IGF2: variants seen among roughly 807,000 people sequenced by gnomAD.
IGF2 encodes the protein insulin like growth factor 2, also known as insulin-like growth factor 2.
Under a neutral mutation model 12.0 loss-of-function variants are expected in IGF2, and 2 were observed. That is an observed-to-expected ratio of 0.17 (90% CI 0.07 to 0.52). The LOEUF (loss-of-function observed/expected upper bound fraction) is 0.52. IGF2 is among the 20% of genes least tolerant of loss of function. IGF2 has a pLI of 0.95. For missense variants in IGF2, 211 were observed against 268.0 expected, an observed-to-expected ratio of 0.79 and a Z score of 1.48; for synonymous variants, 105 against 110.1, an observed-to-expected ratio of 0.95 and a Z score of 0.29.
Position 2,138,591 on chromosome 11 carries a change from G to C in IGF2, c.-369C>G. The C allele has an allele frequency of 1.1e-6, 1 of 938,312 alleles. No homozygotes were observed. The highest frequency in any genetic ancestry group is 1.8e-5 in the African/African-American group (1 of 55,782). The allele number at this position is 938,312 out of a possible 1,614,324, so 58.1% of individuals were successfully genotyped here. A position where few individuals can be genotyped will look rare whatever the true frequency, so the allele number is the denominator to read the frequency against. ...GGGGCCGAAGAGAGGGCGAGGGGGA[G>C]AGAGGACAGCGAGAGGCGGGCAGGC... On this transcript the variant is annotated 5_prime_UTR_variant, in exon 1 of 4. Transcript: ENST00000416167.
chr11:2,147,969 C>T, the IGF2 span: 1 of 420,226 alleles, frequency 2.4e-6, no homozygotes, highest in East Asian at 3.6e-5. This position sits in a 1 kb window ranked among gnomAD's most constrained non-coding sequence, Gnocchi z 7.2. Context: ...AGCCCCTCCC[C>T]TGCCTAGAGC....
chr11:2,141,848 A>T (rs972780244), upstream of IGF2, among the ~76,000 whole-genome samples: 3 of 152,250 alleles, frequency 2.0e-5, no homozygotes, highest in African/African-American at 4.8e-5. Context: ...ATAAAAAAAT[A>T]AAAAATCAGT....
In IGF2 at chr11:2,136,500, C is replaced by T. The variant is rs899086804; in HGVS notation, c.-6-971G>A. 1.1e-4 allele frequency among the ~76,000 whole-genome samples: 16 copies of T among 152,366 alleles called. 1 individual carries two copies. The South Asian group carries it at 2.7e-3, about 26-fold the overall frequency. On this transcript the variant is annotated intron_variant, in intron 1 of 3. Transcript: ENST00000416167. ...TGCAGGGCCACAGGGCCGGGTTAAC[C>T]CACTCGGGGGTGGGAGGCCGGGAGC...
rs1402267034 is a variant in IGF2, at chr11:2,132,024, GC to G, written c.*962del. Reference sequence around the variant, plus strand: ...GTGTGTGCTGTGTGCTCATCTGTGTGCTGTGTGTGCTGTGCGTTTGTGTGTG... The same window carrying G: ...GTGTGTGCTGTGTGCTCATCTGTGTGTGTGTGTGCTGTGCGTTTGTGTGTG... On this transcript the variant is annotated 3_prime_UTR_variant, in exon 4 of 4. Coordinates refer to ENST00000416167, the MANE Select transcript of IGF2 (RefSeq NM_000612.6). The G allele has an allele frequency of 2.1e-4, 9 of 43,478 alleles. No homozygotes were observed. Among genetic ancestry groups the G allele is most frequent in the East Asian group, 9.7e-4 (5 of 5,148 alleles). The allele number at this position is 43,478 out of a possible 1,614,324, so 2.7% of individuals were successfully genotyped here.
upstream of IGF2, chr11:2,140,330 T>C: frequency 6.3e-7 from 1 of 1,593,748 alleles, no homozygotes; most frequent in African/African-American, 1.4e-5. Flanking sequence ...AAGAAAGCAC[T>C]GTGATTTTTA....
chr11:2,137,008 G>A (rs1859109932), intron 1 of IGF2, among the ~76,000 whole-genome samples: 1 of 152,194 alleles, frequency 6.6e-6, no homozygotes, highest in African/African-American at 2.4e-5. Context: ...GAGCAGGTGA[G>A]GGAGCAGAGA....
the IGF2 span, chr11:2,149,240 G>A: frequency 6.2e-7 from 1 of 1,613,514 alleles, no homozygotes; most frequent in Non-Finnish European, 8.5e-7. Context: ...TGATCCGCCG[G>A]CCTGGCCAAT....
Position 2,133,625 on chromosome 11 carries a change from G to A in IGF2, c.198C>T (p.Ile66=), listed in dbSNP as rs377034431. The change falls in exon 3 of 4, where the codon ATC becomes ATT. Residue 66 remains isoleucine (I), a synonymous_variant. Transcript: ENST00000416167. This position sits in a 1 kb window ranked among gnomAD's most constrained non-coding sequence, Gnocchi z 8.9. ...ASRVSRRSRG[I]VEECCFRSCD... ...AGCTGCGGAAACAGCACTCCTCAAC[G>A]ATGCCACGGCTGCGACGGCTCACAC... is the stretch of plus-strand genomic sequence containing the variant. 1.2e-5 allele frequency: 20 copies of A among 1,612,952 alleles called. No individual in the cohort carries two copies. In the African/African-American group the frequency reaches 2.4e-4, roughly 19 times the overall value.
At position 2,129,493 on chromosome 11, in the gene IGF2, C is replaced by T. The variant is rs1564888808; in HGVS notation, c.*3494G>A. ...GGTCGGCAAGTGCCCCCGGGAACACCCACTCCGGCGAGGCAGAATATAACA... is the reference window on the plus strand; with the variant it reads ...GGTCGGCAAGTGCCCCCGGGAACACTCACTCCGGCGAGGCAGAATATAACA... On this transcript the variant is annotated 3_prime_UTR_variant, in exon 4 of 4. Transcript: ENST00000416167. This position sits in a 1 kb window ranked among gnomAD's most constrained non-coding sequence, Gnocchi z 8.1. 1 of 228,536 alleles carries T rather than the reference C, an allele frequency of 4.4e-6. No homozygotes were observed. The highest frequency in any genetic ancestry group is 8.7e-6 in the Non-Finnish European group (1 of 115,064). 14.2% of individuals were successfully genotyped at this position (228,536 alleles called of 1,614,324 possible).
rs1858429702 is a variant in IGF2 at position 2,130,107 on chromosome 11, G to T, written c.*2880C>A. ...CGAGGGAGAGGGGAGGGTTCCTCAAGTGTGCGGAAGGCGGCCACCCTGCCC... is the reference window on the plus strand; with the variant it reads ...CGAGGGAGAGGGGAGGGTTCCTCAATTGTGCGGAAGGCGGCCACCCTGCCC... On this transcript the variant is annotated 3_prime_UTR_variant, in exon 4 of 4. Transcript: ENST00000416167. 4.3e-6 allele frequency: 1 copy of T among 230,294 alleles called. No individual in the cohort carries two copies. The highest frequency in any genetic ancestry group is 1.8e-4 in the South Asian group (1 of 5,506). 14.3% of individuals were successfully genotyped at this position (230,294 alleles called of 1,614,324 possible).
Position 2,133,033 on chromosome 11 carries a change from G to A in IGF2, c.497C>T (p.Pro166Leu). 3.2e-6 allele frequency: 5 copies of A among 1,569,724 alleles called. No homozygotes were observed. Among genetic ancestry groups the A allele is most frequent in the South Asian group, 1.2e-5 (1 of 86,536 alleles). Residue 166 changes from proline to leucine, a missense_variant, in exon 4 of 4, where the codon CCC (proline) becomes CTC (leucine). By Grantham distance (98) the Pro-to-Leu change is moderately conservative. This residue lies in a region of IGF2 where 141 missense variants were observed against 153.1 expected (regional missense o/e 0.92). Coordinates refer to ENST00000416167, the MANE Select transcript of IGF2 (RefSeq NM_000612.6). This position sits in a 1 kb window ranked among gnomAD's most constrained non-coding sequence, Gnocchi z 8.9. ...CTCTGGGGGGGCGCCCCCGTGGGCG[G>A]GGTCTTGGGTGGGTAGAGCAATCAG... ...RPLIALPTQD[P>L]AHGGAPPEMA... is the part of the protein sequence containing the mutation.
chr11:2,143,371 G>A (rs1859716226), upstream of IGF2, among the ~76,000 whole-genome samples: 1 of 151,842 alleles, frequency 6.6e-6, no homozygotes. Flanking sequence ...GGGGGGGCGC[G>A]GAATGGGGCG....
At chr11:2,142,064 T>C (rs908737785), upstream of IGF2, among the ~76,000 whole-genome samples, 1 of 152,198 alleles carries the variant, frequency 6.6e-6, no homozygotes, top group African/African-American at 2.4e-5. This position sits in a 1 kb window ranked among gnomAD's most constrained non-coding sequence, Gnocchi z 5.7. Flanking sequence ...AGGAAACTTA[T>C]AGGTCGCAGG....
upstream of IGF2, among the ~76,000 whole-genome samples, chr11:2,145,554 C>G (rs1859868321): frequency 6.6e-6 from 1 of 152,216 alleles, no homozygotes; most frequent in South Asian, 2.1e-4. Flanking sequence ...TTGGGGGTCC[C>G]TTCCCTTTGT....
chr11:2,147,156 A>C, the IGF2 span: 1 of 155,376 alleles, frequency 6.4e-6, no homozygotes. This position sits in a 1 kb window ranked among gnomAD's most constrained non-coding sequence, Gnocchi z 7.2. Flanking sequence ...GGGGTCTCAC[A>C]GCCCCCAGCA....
At chr11:2,135,564 G>C in intron 1 of IGF2, 35 bp from the exon 2 acceptor site, 1 of 1,586,468 alleles carries the variant, frequency 6.3e-7, no homozygotes, top group Non-Finnish European at 8.6e-7. Flanking sequence ...GAGCGGGGCA[G>C]CCAGGCCAAG....
In IGF2 at chr11:2,129,414, C is replaced by T; in HGVS notation, c.*3573G>A. On this transcript the variant is annotated 3_prime_UTR_variant, in exon 4 of 4. Transcript: ENST00000416167. This position sits in a 1 kb window ranked among gnomAD's most constrained non-coding sequence, Gnocchi z 8.1. The stretch of plus-strand genomic sequence containing the variant: ...ACGGAGGTCAGACAGGCAGCCCGGG[C>T]CAGGATGGTTAGTGGCCCAGGGGAG... 4.4e-6 allele frequency: 1 copy of T among 229,752 alleles called. No individual in the cohort carries two copies. The highest frequency in any genetic ancestry group is 8.6e-6 in the Non-Finnish European group (1 of 115,794). 14.2% of individuals were successfully genotyped at this position (229,752 alleles called of 1,614,324 possible).
rs184629388 is a variant in IGF2 at position 2,134,105 on chromosome 11, G to A, written c.158-440C>T. ...GCTGGAGGGGCCCACACCACCCCTG[G>A]AGCTGCTGAGACAGGGAGACAAGGG... On this transcript the variant is annotated intron_variant, in intron 2 of 3. Coordinates refer to ENST00000416167, the MANE Select transcript of IGF2 (RefSeq NM_000612.6). The A allele has an allele frequency of 3.4e-4, 170 of 502,746 alleles. 1 individual carries two copies. The highest frequency in any genetic ancestry group is 3.1e-3 in the African/African-American group (154 of 50,154). 31.1% of individuals were successfully genotyped at this position (502,746 alleles called of 1,614,324 possible).
rs1322797114 is a variant in IGF2 at position 2,133,016 on chromosome 11, G to A, written c.514C>T (p.Pro172Ser). ...PTQDPAHGGA[P>S]PEMASNRK Reference sequence around the variant, plus strand: ...TTCCGATTGCTGGCCATCTCTGGGGGGGCGCCCCCGTGGGCGGGGTCTTGG... The same window carrying A: ...TTCCGATTGCTGGCCATCTCTGGGGAGGCGCCCCCGTGGGCGGGGTCTTGG... Residue 172 changes from proline (P) to serine (S), a missense_variant, in exon 4 of 4, where the codon CCC (proline) becomes TCC (serine). Pro to Ser is a moderately conservative substitution (Grantham distance 74). This residue lies in a region of IGF2 where 141 missense variants were observed against 153.1 expected (regional missense o/e 0.92). Coordinates refer to ENST00000416167, the MANE Select transcript of IGF2 (RefSeq NM_000612.6). This position sits in a 1 kb window ranked among gnomAD's most constrained non-coding sequence, Gnocchi z 8.9. 1.3e-6 allele frequency: 2 copies of A among 1,551,852 alleles called. No homozygotes were observed. Among genetic ancestry groups the A allele is most frequent in the South Asian group, 1.2e-5 (1 of 82,934 alleles).
Sources: gnomAD v4.1 joint callset for allele counts (sites outside exome capture counted in the v4.1 genomes callset) on GRCh38, gnomAD v4.1.1 for gene constraint, gnomAD v4.1.1 regional missense constraint, Gnocchi (gnomAD v3.1) non-coding constraint, MANE v1.5 for transcripts, NCBI Gene and HGNC (gene_info 2026-07-23, HGNC 2026-07-21) for gene names.